HIPK2: variants seen among roughly 807,000 people sequenced by gnomAD.
The protein encoded by HIPK2 is homeodomain interacting protein kinase 2, also known as homeodomain-interacting protein kinase 2.
HIPK2 carries 27 observed loss-of-function variants against 113.7 expected under a neutral mutation model. That is an observed-to-expected ratio of 0.24 (90% CI 0.17 to 0.33). HIPK2 has a LOEUF of 0.33. Ranked by LOEUF, HIPK2 falls within the 10% of genes least tolerant of loss-of-function variation. The pLI, the probability that HIPK2 is intolerant of heterozygous loss-of-function variation, is 1.00. For missense variants in HIPK2, 1,257 were observed against 1,588.0 expected (o/e 0.79, Z 3.54); for synonymous variants, 631 against 642.2 (o/e 0.98, Z 0.26).
In HIPK2 at chr7:139,566,214, AG is replaced by A. The variant is rs1798086910; in HGVS notation, c.*6712del. On this transcript the variant is annotated 3_prime_UTR_variant, in exon 15 of 15. Coordinates refer to ENST00000406875, the MANE Select transcript of HIPK2 (RefSeq NM_022740.5). The surrounding 1 kb of genome is among the most constrained non-coding windows in gnomAD (Gnocchi z 4.1). ...GATGGCACAGGGTGATGCTGTGTAAAGGCCTTTCTTTGCTCAGACATGCAGG... is the reference window on the plus strand; with the variant it reads ...GATGGCACAGGGTGATGCTGTGTAAAGCCTTTCTTTGCTCAGACATGCAGG... 6.6e-6 allele frequency: 1 copy of A among 152,220 alleles called. No homozygotes were observed. Among genetic ancestry groups the A allele is most frequent in the Non-Finnish European group, 1.5e-5 (1 of 68,048 alleles). The allele number at this position is 152,220 out of a possible 1,614,324, so 9.4% of individuals were successfully genotyped here.
chr7:139,642,613 T>G (rs963679695), intron 2 of HIPK2, among the ~76,000 whole-genome samples: 1 of 152,154 alleles, frequency 6.6e-6, no homozygotes, highest in Non-Finnish European at 1.5e-5. Context: ...GGTGAGCTAA[T>G]CCCAGGTCAA....
chr7:139,628,882 T>C lies in HIPK2; in HGVS notation c.1434+71A>G, dbSNP rs1010771222. On this transcript the variant is annotated intron_variant, in intron 5 of 14. Coordinates refer to ENST00000406875, the MANE Select transcript of HIPK2 (RefSeq NM_022740.5). ...GTGGATTTCAACCCATTATCTTCTA[T>C]TACTATTGCAGAAGTCTTGCTGCCC... The C allele has an allele frequency of 3.8e-6, 5 of 1,305,472 alleles. No homozygotes were observed. The African/African-American group carries it at 4.4e-5, about 12-fold the overall frequency. The allele number at this position is 1,305,472 out of a possible 1,614,324, so 80.9% of individuals were successfully genotyped here. A position where few individuals can be genotyped will look rare whatever the true frequency, so the allele number is the denominator to read the frequency against.
chr7:139,755,401 C>T (rs1469462451), intron 1 of HIPK2, among the ~76,000 whole-genome samples: 1 of 152,200 alleles, frequency 6.6e-6, no homozygotes, highest in Non-Finnish European at 1.5e-5. Context: ...TTTGTTTATA[C>T]ACTTTGTGTT....
intron 7 of HIPK2, among the ~76,000 whole-genome samples, chr7:139,617,952 A>C (rs1030849186): frequency 7.9e-5 from 12 of 152,232 alleles, no homozygotes; most frequent in Non-Finnish European, 1.8e-4. Context: ...TAAAGAGCAG[A>C]CATCACCTAG....
chr7:139,708,242 C>T (rs540762274), intron 2 of HIPK2, among the ~76,000 whole-genome samples: 8 of 152,176 alleles, frequency 5.3e-5, no homozygotes, highest in Admixed American at 2.0e-4. Context: ...AGGAAACTTT[C>T]GGAGGTGATG....
Position 139,716,087 on chromosome 7 carries a change from T to C in HIPK2, c.948A>G (p.Lys316=). ...QQVATALMKL[K]SLGLIHADLK... is the part of the protein sequence containing the mutation. ...GGTCAGCGTGGATAAGACCTAGGCT[T>C]TTGAGTTTCATCAGGGCTGTGGCTA... The change falls in exon 2 of 15, where the codon AAA becomes AAG. Residue 316 remains lysine (K), a synonymous_variant. Transcript: ENST00000406875. This position sits in a 1 kb window ranked among gnomAD's most constrained non-coding sequence, Gnocchi z 9.3. 6.2e-7 allele frequency: 1 copy of C among 1,614,056 alleles called. No individual in the cohort carries two copies. Among genetic ancestry groups the C allele is most frequent in the Non-Finnish European group, 8.5e-7 (1 of 1,179,942 alleles).
At chr7:139,690,380 C>T (rs920857636) in intron 2 of HIPK2, among the ~76,000 whole-genome samples, 3 of 144,604 alleles carry the variant, frequency 2.1e-5, no homozygotes, top group African/African-American at 8.8e-5. Context: ...ATGTTTGTCC[C>T]CCTCCAATCT....
Position 139,719,399 on chromosome 7 carries a change from C to T in HIPK2, c.20-2384G>A, listed in dbSNP as rs1339056246. On this transcript the variant is annotated intron_variant, in intron 1 of 14. Coordinates refer to ENST00000406875, the MANE Select transcript of HIPK2 (RefSeq NM_022740.5). ...TATTACAGGTGTGAGCCACCGCACC[C>T]AGCCCTCTTCCTCCTTTCAAATGTT... is the stretch of plus-strand genomic sequence containing the variant. Among the ~76,000 whole-genome samples the T allele has an allele frequency of 2.6e-5, 4 of 152,258 alleles. No individual in the cohort carries two copies. In the East Asian group the frequency reaches 7.7e-4, roughly 29 times the overall value.
At chr7:139,575,469 G>A in intron 13 of HIPK2, 181 bp from the exon 14 acceptor site, 1 of 227,218 alleles carries the variant, frequency 4.4e-6, no homozygotes, top group Non-Finnish European at 7.3e-6. Context: ...GATGCAGTGG[G>A]GCTCTGGCTC....
intron 2 of HIPK2, among the ~76,000 whole-genome samples, chr7:139,673,632 T>C (rs980238442): frequency 6.6e-6 from 1 of 152,138 alleles, no homozygotes; most frequent in Non-Finnish European, 1.5e-5. Context: ...GTAAGTTCTC[T>C]AACTGTTTCA....
At chr7:139,660,989 C>A (rs1585343618) in intron 2 of HIPK2, among the ~76,000 whole-genome samples, 1 of 150,428 alleles carries the variant, frequency 6.6e-6, no homozygotes, top group East Asian at 2.0e-4. Context: ...AGACTCCCGG[C>A]CTCTAAAAGA....
chr7:139,596,198 T>C (rs1421565031), intron 12 of HIPK2, among the ~76,000 whole-genome samples: 1 of 152,232 alleles, frequency 6.6e-6, no homozygotes. Flanking sequence ...ACACAAAGAC[T>C]AAAATGAATT....
rs1395427485 is a variant in HIPK2, at chr7:139,631,412, GAGAAAAA to G, written c.1228-135_1228-129del. 2.8e-6 allele frequency: 4 copies of G among 1,436,640 alleles called. No individual in the cohort carries two copies. Among genetic ancestry groups the G allele is most frequent in the African/African-American group, 1.5e-5 (1 of 68,960 alleles). The allele number at this position is 1,436,640 out of a possible 1,614,324, so 89.0% of individuals were successfully genotyped here. On this transcript the variant is annotated intron_variant, in intron 3 of 14. Coordinates refer to ENST00000406875, the MANE Select transcript of HIPK2 (RefSeq NM_022740.5). This position sits in a 1 kb window ranked among gnomAD's most constrained non-coding sequence, Gnocchi z 4.9. ...TGTAGGGAAAGAAGTTAACAAAAAA[GAGAAAAA>G]AGAAAAAGGGAAAAGAGAAAGGAAT...
rs369198128 is a variant in HIPK2 at position 139,573,373 on chromosome 7, G to T, written c.3151C>A (p.Arg1051Ser). ...TGCTGCCTTCGGTGGCTCCCAGTGC[G>T]GTCCGTGGTGATGTGCTGCTGAGCC... ...SQAQQHITTD[R>S]TGSHRRQQAY... The change falls in exon 15 of 15, where the codon CGC becomes AGC. Residue 1051 changes from arginine to serine, a missense_variant. Transcript: ENST00000406875. The T allele has an allele frequency of 6.2e-7, 1 of 1,604,174 alleles. No homozygotes were observed.
chr7:139,573,324 G>A lies in HIPK2; in HGVS notation c.3200C>T (p.Ala1067Val), dbSNP rs1288676257. Residue 1067 changes from alanine (A) to valine (V), a missense_variant, in exon 15 of 15, where the codon GCC (alanine) becomes GTC (valine). This residue lies in a region of HIPK2 where 862 missense variants were observed against 1,004.3 expected (regional missense o/e 0.86). Coordinates refer to ENST00000406875, the MANE Select transcript of HIPK2 (RefSeq NM_022740.5). ...RQQAYITPTMAQAPYSFPHNS... is the reference protein window; with the variant it reads ...RQQAYITPTMVQAPYSFPHNS... ...GTGCGGGAAGGAGTACGGAGCCTGG[G>A]CCATGGTGGGAGTGATGTAGGCCTG... The A allele has an allele frequency of 1.2e-6, 2 of 1,605,550 alleles. No individual in the cohort carries two copies. The highest frequency in any genetic ancestry group is 4.5e-5 in the East Asian group (2 of 44,860).
intron 2 of HIPK2, among the ~76,000 whole-genome samples, chr7:139,642,933 G>C (rs34052317): frequency 0.045 from 6,912 of 152,164 alleles, 247 homozygotes; most frequent in Admixed American, 0.12. Flanking sequence ...TGCTGCAAGG[G>C]AACAGGGTTC....
intron 2 of HIPK2, among the ~76,000 whole-genome samples, chr7:139,671,451 C>T (rs1231737118): frequency 6.6e-6 from 1 of 152,192 alleles, no homozygotes. Context: ...TCTCCATAAA[C>T]ACTGCTGAAT....
intron 2 of HIPK2, among the ~76,000 whole-genome samples, chr7:139,690,880 T>C (rs1317555082): frequency 2.0e-5 from 3 of 152,124 alleles, no homozygotes; most frequent in Non-Finnish European, 4.4e-5. Flanking sequence ...CTTTTCTTTA[T>C]AAATTACCCA....
At chr7:139,653,204 T>C (rs541438050) in intron 2 of HIPK2, among the ~76,000 whole-genome samples, 3 of 147,350 alleles carry the variant, frequency 2.0e-5, no homozygotes, top group South Asian at 4.3e-4. Flanking sequence ...GCTAGGGCAG[T>C]AGGAGCAAGG....
Sources: gnomAD v4.1 joint callset for allele counts (sites outside exome capture counted in the v4.1 genomes callset) on GRCh38, gnomAD v4.1.1 for gene constraint, gnomAD v4.1.1 regional missense constraint, Gnocchi (gnomAD v3.1) non-coding constraint, MANE v1.5 for transcripts, NCBI Gene and HGNC (gene_info 2026-07-23, HGNC 2026-07-21) for gene names.